The following BLNK variants were observed in gnomAD, a reference collection of about 807,000 sequenced individuals.
BLNK encodes B cell linker.
Under a neutral mutation model 73.5 loss-of-function variants are expected in BLNK, and 29 were observed. The ratio of observed to expected loss-of-function variants is 0.39; its 90% CI spans 0.29 to 0.54. The LOEUF (loss-of-function observed/expected upper bound fraction) is 0.54. Ranked by LOEUF, BLNK falls within the 20% of genes least tolerant of loss-of-function variation. The pLI is 0.61. For synonymous variants in BLNK, 176 were observed against 200.8 expected (o/e 0.88, Z 1.04); for missense variants, 460 against 562.8 (o/e 0.82, Z 1.85).
At chr10:96,252,833 A>G (rs1554909585) in intron 1 of BLNK, among the ~76,000 whole-genome samples, 1 of 152,136 alleles carries the variant, frequency 6.6e-6, no homozygotes, top group Non-Finnish European at 1.5e-5. Context: ...CTATTATAAT[A>G]TGGTGCTCTA....
At chr10:96,258,736 C>G (rs1327010579) in intron 1 of BLNK, among the ~76,000 whole-genome samples, 3 of 152,152 alleles carry the variant, frequency 2.0e-5, no homozygotes, top group Non-Finnish European at 2.9e-5. Context: ...CTTGGAAAAT[C>G]AATAACGGTA....
intron 6 of BLNK, among the ~76,000 whole-genome samples, chr10:96,217,339 G>T (rs1274879365): frequency 1.3e-5 from 2 of 152,170 alleles, no homozygotes; most frequent in East Asian, 1.9e-4. Context: ...AAGTGAAATT[G>T]TTGAGTCATA....
At chr10:96,259,550 G>A (rs1376459785) in intron 1 of BLNK, among the ~76,000 whole-genome samples, 3 of 152,002 alleles carry the variant, frequency 2.0e-5, no homozygotes, top group Non-Finnish European at 4.4e-5. Flanking sequence ...TGAGGGTCCT[G>A]GAGTGGAGGG....
At chr10:96,205,311 T>C (rs2083768374) in intron 11 of BLNK, 1 of 152,602 alleles carries the variant, frequency 6.6e-6, no homozygotes, top group East Asian at 1.9e-4. Context: ...CTCCCTCAAA[T>C]TTGTCGTTGG....
chr10:96,197,785 G>A (rs587707283), intron 15 of BLNK, among the ~76,000 whole-genome samples: 48 of 151,756 alleles, frequency 3.2e-4, no homozygotes, highest in Admixed American at 1.5e-3. Context: ...GCATAGTGGC[G>A]GGCACCTGTA....
intron 1 of BLNK, among the ~76,000 whole-genome samples, chr10:96,264,078 T>A (rs1292664905): frequency 6.6e-6 from 1 of 152,180 alleles, no homozygotes; most frequent in Non-Finnish European, 1.5e-5. Flanking sequence ...ATAATGTGCA[T>A]GGTTCCTAGG....
intron 8 of BLNK, among the ~76,000 whole-genome samples, chr10:96,214,555 A>G (rs587661946): frequency 1.3e-5 from 2 of 151,868 alleles, no homozygotes; most frequent in South Asian, 2.1e-4. Context: ...AATTCAGGAG[A>G]AAAAAAAGCA....
chr10:96,189,408 G>A lies in BLNK; in HGVS notation c.*2565C>T. ...AGGATCTTGAATAGTCTCCTGGTCA[G>A]TTGTCCGGAAGCAATTCTTCACATA... On this transcript the variant is annotated 3_prime_UTR_variant, in exon 17 of 17. Coordinates refer to ENST00000224337, the MANE Select transcript of BLNK (RefSeq NM_013314.4). 1.7e-6 allele frequency: 1 copy of A among 595,458 alleles called. No homozygotes were observed. The highest frequency in any genetic ancestry group is 3.2e-6 in the Non-Finnish European group (1 of 313,448). The allele number at this position is 595,458 out of a possible 1,614,324, so 36.9% of individuals were successfully genotyped here. A position where few individuals can be genotyped will look rare whatever the true frequency, so the allele number is the denominator to read the frequency against.
chr10:96,197,711 A>G (rs1554895035), intron 15 of BLNK, among the ~76,000 whole-genome samples: 1 of 152,146 alleles, frequency 6.6e-6, no homozygotes, highest in Non-Finnish European at 1.5e-5. Flanking sequence ...CTTGGGTCAG[A>G]CTGACCTCAT....
At chr10:96,209,708 G>A (rs2083902971) in intron 9 of BLNK, 130 bp downstream of exon 9, 1 of 1,140,046 alleles carries the variant, frequency 8.8e-7, no homozygotes, top group Non-Finnish European at 1.3e-6. Flanking sequence ...GATGTTAGCA[G>A]GGCTCCTTAC....
At position 96,271,505 on chromosome 10, in the gene BLNK, G is replaced by C; in HGVS notation, c.-107C>G. The C allele has an allele frequency of 1.7e-6, 2 of 1,176,352 alleles. No homozygotes were observed. The highest frequency in any genetic ancestry group is 2.5e-5 in the South Asian group (2 of 81,416). The allele number at this position is 1,176,352 out of a possible 1,614,324, so 72.9% of individuals were successfully genotyped here. ...GTAAGCCTCTGGTCTCAAGGGTTCC[G>C]GCCACTCAAGTCTGATTTCTGAGAG... is the stretch of plus-strand genomic sequence containing the variant. On this transcript the variant is annotated 5_prime_UTR_variant, in exon 1 of 17. Transcript: ENST00000224337.
chr10:96,217,876 C>G (rs1320960523), intron 6 of BLNK, among the ~76,000 whole-genome samples: 1 of 152,168 alleles, frequency 6.6e-6, no homozygotes, highest in Non-Finnish European at 1.5e-5. Context: ...TTGCCTAACC[C>G]AAAGCCATAA....
At chr10:96,225,975 C>T (rs1554902391) in intron 5 of BLNK, among the ~76,000 whole-genome samples, 2 of 152,128 alleles carry the variant, frequency 1.3e-5, no homozygotes, top group African/African-American at 4.8e-5. Flanking sequence ...GCCACTTAAC[C>T]ACCCTGAATT....
chr10:96,248,530 TGTCAAGATTTAAAAC>T (rs1218533236), intron 1 of BLNK, among the ~76,000 whole-genome samples: 1 of 152,238 alleles, frequency 6.6e-6, no homozygotes, highest in African/African-American at 2.4e-5. Context: ...CAATCAAATC[TGTCAAGATTTAAAAC>T]GTCCATGACT....
At chr10:96,244,979 A>T (rs1842997329) in intron 2 of BLNK, among the ~76,000 whole-genome samples, 1 of 152,164 alleles carries the variant, frequency 6.6e-6, no homozygotes, top group Non-Finnish European at 1.5e-5. Context: ...ACTGGCAATT[A>T]GAATTGCTAG....
intron 3 of BLNK, among the ~76,000 whole-genome samples, chr10:96,235,696 G>T (rs1407940964): frequency 6.6e-6 from 1 of 152,188 alleles, no homozygotes; most frequent in Non-Finnish European, 1.5e-5. Flanking sequence ...TGTGCCCGAG[G>T]TGGGGCCGAA....
intron 3 of BLNK, among the ~76,000 whole-genome samples, chr10:96,235,919 C>G (rs1222047601): frequency 6.6e-6 from 1 of 151,800 alleles, no homozygotes; most frequent in Admixed American, 6.6e-5. Flanking sequence ...AGTGGGGGCT[C>G]CAGCCATAGT....
rs1591292772 is a variant in BLNK, at chr10:96,197,034, A to T, written c.1125T>A (p.Ser375=). The change falls in exon 16 of 17, where the codon TCT becomes TCA. Residue 375 remains serine (S), a synonymous_variant. Transcript: ENST00000224337. ...KDGSFLIRKS[S]GHDSKQPYTL... ...TATATGGTTGTTTGGAATCATGGCC[A>T]GAGCTTTTCCGAATAAGAAATGATC... The T allele has an allele frequency of 1.2e-6, 2 of 1,613,090 alleles. No individual in the cohort carries two copies. Among genetic ancestry groups the T allele is most frequent in the African/African-American group, 2.7e-5 (2 of 75,030 alleles).
intron 1 of BLNK, among the ~76,000 whole-genome samples, chr10:96,258,753 A>G (rs2134128726): frequency 6.6e-6 from 1 of 152,346 alleles, no homozygotes; most frequent in East Asian, 1.9e-4. Flanking sequence ...GGTAAAAGCC[A>G]GCATTTATTG....
Sources: gnomAD v4.1 joint callset for allele counts (sites outside exome capture counted in the v4.1 genomes callset) on GRCh38, gnomAD v4.1.1 for gene constraint, MANE v1.5 for transcripts, NCBI Gene and HGNC (gene_info 2026-07-23, HGNC 2026-07-21) for gene names.